ADGRV1: variants seen among roughly 807,000 people sequenced by gnomAD.
The protein encoded by ADGRV1 is G-protein coupled receptor 98.
In ADGRV1, 359 loss-of-function variants were observed where a neutral mutation model predicts 596.2. That is an observed-to-expected ratio of 0.60 (90% confidence interval 0.55 to 0.66). ADGRV1 has a LOEUF of 0.66. Ranked by LOEUF, ADGRV1 falls within the 30% of genes least tolerant of loss-of-function variation. The pLI is 0.00. For synonymous variants in ADGRV1, 2,681 were observed against 2,679.2 expected, an observed-to-expected ratio of 1.00 and a Z score of -0.02; for missense variants, 7,274 against 7,575.6, an observed-to-expected ratio of 0.96 and a Z score of 1.48.
Position 90,791,290 on chromosome 5 carries a change from C to T in ADGRV1, c.14461C>T (p.Leu4821=). 1 of 1,600,714 alleles carries T rather than the reference C, an allele frequency of 6.2e-7. No homozygotes were observed. Among genetic ancestry groups the T allele is most frequent in the Non-Finnish European group, 8.5e-7 (1 of 1,173,206 alleles). Residue 4821 remains leucine, a synonymous_variant, in exon 70 of 90, where the codon CTG becomes TTG. Transcript: ENST00000405460. ...PIVTENAERQ[L]VVKDGATYKV... ...TGTTACCGAAAATGCAGAGAGGCAGCTGGTGGTCAAAGATGGTGCCACATA... is the reference window on the plus strand; with the variant it reads ...TGTTACCGAAAATGCAGAGAGGCAGTTGGTGGTCAAAGATGGTGCCACATA...
intron 21 of ADGRV1, among the ~76,000 whole-genome samples, chr5:90,668,921 C>A (rs7729703): frequency 6.6e-6 from 1 of 152,006 alleles, no homozygotes; most frequent in Non-Finnish European, 1.5e-5. Context: ...ATGCTATGTG[C>A]TAATGCTTAC....
At chr5:90,921,827 C>CTGA in intron 83 of ADGRV1, among the ~76,000 whole-genome samples, 1 of 133,854 alleles carries the variant, frequency 7.5e-6, no homozygotes, top group Admixed American at 8.1e-5. Context: ...CTACAAGAGT[C>CTGA]TGAGATGTCT....
At chr5:90,923,029 A>ACT (rs61552236) in intron 83 of ADGRV1, among the ~76,000 whole-genome samples, 36,111 of 152,020 alleles carry the variant, frequency 0.24, 5,132 homozygotes, top group Admixed American at 0.4. Flanking sequence ...TCCTATAAGA[A>ACT]GTTATGCTTA....
chr5:90,683,984 G>T lies in ADGRV1; in HGVS notation c.6063G>T (p.Met2021Ile). ...TCTCATATGCAACACTAGATGATAT[G>T]GAAAAACCACCTTATTTTCCACCTA... ...VLVSYATLDD[M>I]EKPPYFPPNL... Residue 2021 changes from methionine (M) to isoleucine (I), a missense_variant, in exon 28 of 90, where the codon ATG becomes ATT. Physicochemically the swap from Met to Ile is conservative, Grantham distance 10. This residue lies in a region of ADGRV1 where 3,643 missense variants were observed against 3,809.2 expected (regional missense o/e 0.96). Transcript: ENST00000405460. 6.2e-7 allele frequency: 1 copy of T among 1,613,828 alleles called. No individual in the cohort carries two copies. The highest frequency in any genetic ancestry group is 1.1e-5 in the South Asian group (1 of 91,074).
intron 83 of ADGRV1, among the ~76,000 whole-genome samples, chr5:90,951,124 C>T (rs1175388815): frequency 6.6e-6 from 1 of 152,190 alleles, no homozygotes; most frequent in African/African-American, 2.4e-5. Context: ...AGATGGTCCT[C>T]TCTTTCCAAG....
intron 87 of ADGRV1, among the ~76,000 whole-genome samples, chr5:91,123,413 G>T (rs1328661992): frequency 6.6e-6 from 1 of 152,146 alleles, no homozygotes; most frequent in Non-Finnish European, 1.5e-5. Flanking sequence ...CTCGTAGATG[G>T]TGCCTTCTCT....
intron 83 of ADGRV1, among the ~76,000 whole-genome samples, chr5:90,919,938 G>C (rs1383964559): frequency 7.0e-6 from 1 of 142,770 alleles, no homozygotes. Flanking sequence ...AGGTTGTGAT[G>C]AGCCAAGATC....
chr5:90,743,717 T>A (rs1469975448), intron 50 of ADGRV1, among the ~76,000 whole-genome samples: 2 of 152,100 alleles, frequency 1.3e-5, no homozygotes. Context: ...GTGATCTTCC[T>A]GCCTCTGCCT....
intron 75 of ADGRV1, 136 bp from the exon 76 acceptor site, chr5:90,823,289 G>A (rs1291828570): frequency 1.5e-5 from 13 of 848,470 alleles, no homozygotes; most frequent in Non-Finnish European, 2.4e-5. Context: ...CAGTGGTAAA[G>A]TAAGTGCTAT....
intron 83 of ADGRV1, among the ~76,000 whole-genome samples, chr5:90,924,860 G>A (rs1047927958): frequency 9.9e-5 from 15 of 151,924 alleles, no homozygotes; most frequent in East Asian, 3.9e-4. Flanking sequence ...TGGCTAGCCA[G>A]TTTTCCCAGC....
chr5:90,906,598 T>C (rs1362226987), intron 83 of ADGRV1, among the ~76,000 whole-genome samples: 2 of 152,082 alleles, frequency 1.3e-5, no homozygotes, highest in Non-Finnish European at 2.9e-5. Flanking sequence ...TCAACTCTGA[T>C]TTTATATATT....
chr5:90,583,367 A>G (rs1198271254), intron 1 of ADGRV1, among the ~76,000 whole-genome samples: 2 of 152,078 alleles, frequency 1.3e-5, no homozygotes, highest in Non-Finnish European at 2.9e-5. Flanking sequence ...GCACTCTAAC[A>G]TGAGTTTGAA....
chr5:90,805,602 G>T, intron 72 of ADGRV1, 144 bp downstream of exon 72: 2 of 633,784 alleles, frequency 3.2e-6, no homozygotes, highest in Non-Finnish European at 4.9e-6. Flanking sequence ...TCAGAGTAGT[G>T]CAGGCTGCTT....
At chr5:91,056,450 A>G (rs1158089222) in intron 85 of ADGRV1, among the ~76,000 whole-genome samples, 3 of 152,102 alleles carry the variant, frequency 2.0e-5, no homozygotes, top group African/African-American at 4.8e-5. Context: ...TCACAATCCG[A>G]TTGAGAAATG....
intron 9 of ADGRV1, chr5:90,630,316 A>C (rs924693889): frequency 1.3e-5 from 2 of 152,138 alleles, no homozygotes; most frequent in African/African-American, 4.8e-5. Context: ...AATTTTATAA[A>C]TACTTTTAAA....
At chr5:90,801,890 G>A (rs979549903) in intron 70 of ADGRV1, among the ~76,000 whole-genome samples, 1 of 151,918 alleles carries the variant, frequency 6.6e-6, no homozygotes, top group Non-Finnish European at 1.5e-5. Flanking sequence ...CTATTTTGTT[G>A]GATTCTAAAA....
intron 85 of ADGRV1, among the ~76,000 whole-genome samples, chr5:91,005,517 T>G (rs1307137155): frequency 6.6e-6 from 1 of 152,100 alleles, no homozygotes; most frequent in Non-Finnish European, 1.5e-5. Context: ...CTTTTTTGTA[T>G]TTTAGTAGAG....
At chr5:90,919,768 G>A (rs1157477931) in intron 83 of ADGRV1, among the ~76,000 whole-genome samples, 2 of 152,082 alleles carry the variant, frequency 1.3e-5, no homozygotes, top group African/African-American at 4.8e-5. Context: ...GCCGAGGTGG[G>A]CGGATCACCT....
chr5:90,937,619 A>G (rs368245290), intron 83 of ADGRV1, among the ~76,000 whole-genome samples: 104 of 151,956 alleles, frequency 6.8e-4, no homozygotes, highest in Middle Eastern at 3.4e-3. Flanking sequence ...CACCACGCCC[A>G]GCTAATTTTT....
Sources: allele counts gnomAD v4.1 joint callset (sites outside exome capture counted in the v4.1 genomes callset), GRCh38; gene constraint gnomAD v4.1.1; regional missense constraint gnomAD v4.1.1; transcripts MANE v1.5; gene names NCBI Gene and HGNC (gene_info 2026-07-23, HGNC 2026-07-21).